The following RNF38 variants were observed in gnomAD, a reference collection of about 807,000 sequenced individuals.
The protein encoded by RNF38 is E3 ubiquitin-protein ligase RNF38.
In RNF38, 15 loss-of-function variants were observed where a neutral mutation model predicts 67.2. The observed-to-expected ratio is 0.22, with a 90% CI of 0.15 to 0.34. The LOEUF (loss-of-function observed/expected upper bound fraction) is 0.34. Ranked by LOEUF, RNF38 falls within the 10% of genes least tolerant of loss-of-function variation. RNF38 has a pLI of 1.00. For missense variants in RNF38, 524 were observed against 639.9 expected, an observed-to-expected ratio of 0.82 and a Z score of 1.95; for synonymous variants, 220 against 218.8, an observed-to-expected ratio of 1.01 and a Z score of -0.05.
intron 1 of RNF38, among the ~76,000 whole-genome samples, chr9:36,438,498 T>A (rs888403060): frequency 2.0e-5 from 3 of 152,040 alleles, no homozygotes; most frequent in African/African-American, 7.2e-5. Flanking sequence ...TCTTCCAATG[T>A]GGCCCAGGGA....
At chr9:36,484,720 T>A (rs965900072) in intron 1 of RNF38, among the ~76,000 whole-genome samples, 2 of 152,222 alleles carry the variant, frequency 1.3e-5, no homozygotes, top group African/African-American at 4.8e-5. Flanking sequence ...TTATTTTTCA[T>A]GTTTTCAGAT....
At chr9:36,453,241 T>C (rs929281666) in intron 1 of RNF38, among the ~76,000 whole-genome samples, 1 of 152,166 alleles carries the variant, frequency 6.6e-6, no homozygotes, top group East Asian at 1.9e-4. Flanking sequence ...TGAGACAGAG[T>C]CTTGCTCTGT....
At chr9:36,388,732 A>C (rs1389444970) in intron 2 of RNF38, among the ~76,000 whole-genome samples, 2 of 152,198 alleles carry the variant, frequency 1.3e-5, no homozygotes, top group Non-Finnish European at 2.9e-5. Context: ...GGTGCCTTAG[A>C]AAAAAATGAA....
chr9:36,465,377 G>A (rs576524736), intron 1 of RNF38, among the ~76,000 whole-genome samples: 3 of 151,950 alleles, frequency 2.0e-5, no homozygotes, highest in South Asian at 2.1e-4. Flanking sequence ...ATGGAGTTTC[G>A]CTCTTGTTGC....
intron 4 of RNF38, among the ~76,000 whole-genome samples, chr9:36,360,971 C>G (rs889373226): frequency 6.6e-6 from 1 of 151,964 alleles, no homozygotes; most frequent in Non-Finnish European, 1.5e-5. Flanking sequence ...GCGACCACAC[C>G]CAGTTAATTT....
At chr9:36,413,591 A>C (rs12352479) in intron 2 of RNF38, among the ~76,000 whole-genome samples, 1,970 of 152,304 alleles carry the variant, frequency 0.013, 48 homozygotes, top group African/African-American at 0.045. Context: ...AATAATGAGA[A>C]GCATGGGATA....
intron 1 of RNF38, among the ~76,000 whole-genome samples, chr9:36,474,012 A>G (rs901598027): frequency 7.7e-6 from 1 of 130,220 alleles, no homozygotes; most frequent in Non-Finnish European, 1.6e-5. Context: ...AAAACCCTCA[A>G]TTTTTAAAAC....
intron 2 of RNF38, among the ~76,000 whole-genome samples, chr9:36,416,711 C>CTA (rs1184067466): frequency 2.8e-5 from 4 of 141,198 alleles, no homozygotes; most frequent in Admixed American, 7.2e-5. Flanking sequence ...CTAGAAGTGT[C>CTA]TACAGGGCTC....
intron 4 of RNF38, among the ~76,000 whole-genome samples, chr9:36,358,539 C>T (rs1834295825): frequency 6.6e-6 from 1 of 152,028 alleles, no homozygotes; most frequent in Non-Finnish European, 1.5e-5. Flanking sequence ...TTTGTTTTTC[C>T]ATTTAATACT....
chr9:36,351,220 C>T (rs767757867), intron 8 of RNF38, 21 bp from the exon 9 acceptor site: 54 of 1,552,954 alleles, frequency 3.5e-5, no homozygotes, highest in Non-Finnish European at 4.6e-5. Flanking sequence ...AACAATCACA[C>T]TAGCATTGAT....
intron 4 of RNF38, among the ~76,000 whole-genome samples, chr9:36,363,954 C>A (rs1208391541): frequency 2.3e-5 from 2 of 88,522 alleles, no homozygotes; most frequent in African/African-American, 6.8e-5. Flanking sequence ...CTGCCTCAGA[C>A]TCCCGAGTAC....
At chr9:36,468,365 A>G (rs1839914880) in intron 1 of RNF38, among the ~76,000 whole-genome samples, 1 of 152,162 alleles carries the variant, frequency 6.6e-6, no homozygotes. Context: ...AGGTGAAGGG[A>G]TAAATATTCT....
intron 4 of RNF38, among the ~76,000 whole-genome samples, chr9:36,366,478 AAAT>A (rs1008328396): frequency 2.6e-5 from 4 of 152,218 alleles, no homozygotes; most frequent in Non-Finnish European, 5.9e-5. Flanking sequence ...GTATTAAAAA[AAAT>A]ACTGATTATT....
intron 1 of RNF38, among the ~76,000 whole-genome samples, chr9:36,467,260 TATACAC>T (rs1324987817): frequency 1.7e-5 from 1 of 60,076 alleles, no homozygotes; most frequent in East Asian, 5.6e-4. Context: ...CACACACACA[TATACAC>T]ACACATACAT....
At chr9:36,420,976 G>A (rs576907500) in intron 2 of RNF38, among the ~76,000 whole-genome samples, 1 of 152,260 alleles carries the variant, frequency 6.6e-6, no homozygotes, top group East Asian at 1.9e-4. Context: ...GAGAACAACA[G>A]ATCAAGCCAA....
At chr9:36,352,720 A>T in intron 8 of RNF38, 22 bp downstream of exon 8, 2 of 1,511,846 alleles carry the variant, frequency 1.3e-6, no homozygotes, top group Non-Finnish European at 1.8e-6. Context: ...TTCAGAAATC[A>T]TTAAGATAAG....
intron 1 of RNF38, among the ~76,000 whole-genome samples, chr9:36,453,236 C>A (rs1839502069): frequency 1.3e-5 from 2 of 152,024 alleles, no homozygotes; most frequent in Admixed American, 1.3e-4. Context: ...TATTTTGAGA[C>A]AGAGTCTTGC....
At chr9:36,382,299 G>A (rs2133925030) in intron 2 of RNF38, among the ~76,000 whole-genome samples, 1 of 152,238 alleles carries the variant, frequency 6.6e-6, no homozygotes, top group Admixed American at 6.5e-5. Flanking sequence ...GATCAAGGGA[G>A]GTCAAAGAGG....
chr9:36,407,700 A>G (rs1838216791), intron 2 of RNF38, among the ~76,000 whole-genome samples: 1 of 152,308 alleles, frequency 6.6e-6, no homozygotes. Context: ...TCTGTTCCGG[A>G]GAACAGACAG....
Sources: allele counts gnomAD v4.1 joint callset (sites outside exome capture counted in the v4.1 genomes callset), GRCh38; gene constraint gnomAD v4.1.1; transcripts MANE v1.5; gene names NCBI Gene and HGNC (gene_info 2026-07-23, HGNC 2026-07-21).